The following CEMIP variants were observed in gnomAD, a reference collection of about 807,000 sequenced individuals.
CEMIP encodes cell migration-inducing and hyaluronan-binding protein.
CEMIP carries 105 observed loss-of-function variants against 156.9 expected under a neutral mutation model. The ratio of observed to expected loss-of-function variants is 0.67; its 90% CI spans 0.57 to 0.79. The LOEUF (loss-of-function observed/expected upper bound fraction) is 0.79, where lower values mean the gene tolerates loss of function less well. CEMIP is among the 30% of genes least tolerant of loss of function. The probability of loss-of-function intolerance (pLI) is 0.00; values close to 1 mark genes in which losing one functional copy is unlikely to be tolerated. For missense variants in CEMIP, 1,457 were observed against 1,769.4 expected (o/e 0.82, Z 3.17); for synonymous variants, 676 against 668.4 (o/e 1.01, Z -0.17).
At chr15:80,924,797 C>A in intron 18 of CEMIP, 91 bp downstream of exon 18, 1 of 1,131,404 alleles carries the variant, frequency 8.8e-7, no homozygotes, top group Non-Finnish European at 1.3e-6. Flanking sequence ...ATTCCCTGAG[C>A]ATCTGTTGAG....
intron 3 of CEMIP, among the ~76,000 whole-genome samples, chr15:80,875,825 C>T (rs79497431): frequency 0.016 from 2,465 of 152,224 alleles, 74 homozygotes; most frequent in African/African-American, 0.057. Context: ...GCCACTGACA[C>T]TGGCCTTCAC....
At chr15:80,797,008 G>C (rs1896246585) in intron 1 of CEMIP, among the ~76,000 whole-genome samples, 1 of 152,164 alleles carries the variant, frequency 6.6e-6, no homozygotes, top group South Asian at 2.1e-4. Context: ...AGTGGCTCAG[G>C]GTGGCTGGGG....
chr15:80,881,052 AT>A lies in CEMIP; in HGVS notation c.540del (p.Phe180LeufsTer44), dbSNP rs753314096. 1.2e-6 allele frequency: 2 copies of A among 1,614,130 alleles called. No homozygotes were observed. Among genetic ancestry groups the A allele is most frequent in the Non-Finnish European group, 1.7e-6 (2 of 1,180,008 alleles). The part of the protein sequence containing the change: ...LHPGGMAEGG[Y>X]FFERSWGHRG... ...CCAGGTGGCATGGCAGAAGGAGGCTATTTTTTTGAAAGGAGCTGGGGCCACC... is the reference window on the plus strand; with the variant it reads ...CCAGGTGGCATGGCAGAAGGAGGCTATTTTTTGAAAGGAGCTGGGGCCACC... On this transcript the variant is annotated frameshift_variant, in exon 6 of 30. Coordinates refer to ENST00000394685, the MANE Select transcript of CEMIP (RefSeq NM_001293298.2). LOFTEE classifies it high-confidence loss of function.
At position 80,932,148 on chromosome 15, in the gene CEMIP, G is replaced by A. The variant is rs368683261; in HGVS notation, c.2793+109G>A. 6 of 1,273,384 alleles carry A rather than the reference G, an allele frequency of 4.7e-6. No individual in the cohort carries two copies. Among genetic ancestry groups the A allele is most frequent in the Admixed American group, 1.8e-5 (1 of 56,986 alleles). 78.9% of individuals were successfully genotyped at this position (1,273,384 alleles called of 1,614,324 possible). A position where few individuals can be genotyped will look rare whatever the true frequency, so the allele number is the denominator to read the frequency against. ...CTATTGCCACCACCGCAGGGGTTGA[G>A]AAGCCTCCTCCAACTAGGCTGGGCC... On this transcript the variant is annotated intron_variant, in intron 22 of 29. Coordinates refer to ENST00000394685, the MANE Select transcript of CEMIP (RefSeq NM_001293298.2). This position sits in a 1 kb window ranked among gnomAD's most constrained non-coding sequence, Gnocchi z 4.5.
rs199832741 is a variant in CEMIP, at chr15:80,889,576, G to A, written c.1070G>A (p.Arg357His). 63 of 1,614,106 alleles carry A rather than the reference G, an allele frequency of 3.9e-5. No homozygotes were observed. The highest frequency in any genetic ancestry group is 1.6e-4 in the Middle Eastern group (1 of 6,062). ...GCTCACCCAGGAAAAATATGCAATC[G>A]TCCCATTGATATACAGGTACCAAAC... is the stretch of plus-strand genomic sequence containing the variant. ...WKAHPGKICNRPIDIQATTMD... is the reference protein window; with the variant it reads ...WKAHPGKICNHPIDIQATTMD... The change falls in exon 10 of 30, where the codon CGT becomes CAT. Residue 357 changes from arginine (R) to histidine (H), a missense_variant. Coordinates refer to ENST00000394685, the MANE Select transcript of CEMIP (RefSeq NM_001293298.2).
rs1247168294 is a variant in CEMIP, at chr15:80,932,556, G to T, written c.2793+517G>T. On this transcript the variant is annotated intron_variant, in intron 22 of 29. Coordinates refer to ENST00000394685, the MANE Select transcript of CEMIP (RefSeq NM_001293298.2). This position sits in a 1 kb window ranked among gnomAD's most constrained non-coding sequence, Gnocchi z 4.5. ...ATCAGGAGCAAGGGCTGCCCTGTGA[G>T]ACCAGCCGGGGCCAGTCCTCCTGTG... Among the ~76,000 whole-genome samples the T allele has an allele frequency of 6.6e-6, 1 of 152,148 alleles. No individual in the cohort carries two copies. The highest frequency in any genetic ancestry group is 1.9e-4 in the East Asian group (1 of 5,188).
intron 1 of CEMIP, among the ~76,000 whole-genome samples, chr15:80,843,481 G>A (rs1054720371): frequency 6.6e-6 from 1 of 152,174 alleles, no homozygotes; most frequent in African/African-American, 2.4e-5. Flanking sequence ...TGGCTGGAGG[G>A]GCAGGGGGGC....
chr15:80,924,645 G>C lies in CEMIP; in HGVS notation c.2227G>C (p.Val743Leu). The C allele has an allele frequency of 6.2e-7, 1 of 1,614,168 alleles. No individual in the cohort carries two copies. Among genetic ancestry groups the C allele is most frequent in the Non-Finnish European group, 8.5e-7 (1 of 1,180,026 alleles). ...GGCTGGCATGATCATAGACAACGGA[G>C]TCAAAACCACCGAGGCCTCTGCCAA... ...YRAGMIIDNG[V>L]KTTEASAKDK... Residue 743 changes from valine (V) to leucine (L), a missense_variant, in exon 18 of 30, where the codon GTC (valine) becomes CTC (leucine). Around this residue, in one of 5 missense-constraint regions of CEMIP, gnomAD observed 798 missense variants for 980.1 expected, o/e 0.81. Transcript: ENST00000394685.
chr15:80,927,220 G>A (rs781112919), intron 19 of CEMIP, among the ~76,000 whole-genome samples: 2 of 152,224 alleles, frequency 1.3e-5, no homozygotes, highest in Non-Finnish European at 2.9e-5. Context: ...GTTTCTGAAG[G>A]GCATTTAGGG....
At chr15:80,794,275 A>AT (rs944451979) in intron 1 of CEMIP, among the ~76,000 whole-genome samples, 2 of 152,142 alleles carry the variant, frequency 1.3e-5, no homozygotes, top group African/African-American at 2.4e-5. Flanking sequence ...TCATATGACT[A>AT]TTTTTTTAAC....
rs755326311 is a variant in CEMIP, at chr15:80,873,526, TCTTAA to T, written c.-175-6_-175-2del. The T allele has an allele frequency of 2.9e-5, 10 of 339,440 alleles. No homozygotes were observed. The highest frequency in any genetic ancestry group is 4.6e-5 in the Non-Finnish European group (8 of 175,008). 21.0% of individuals were successfully genotyped at this position (339,440 alleles called of 1,614,324 possible). ...GGGAGTATTTTTGTTCTGCTCTGTTTCTTAACTTAAGAGAAAAGCTTCATTCTGGA... is the reference window on the plus strand; with the variant it reads ...GGGAGTATTTTTGTTCTGCTCTGTTTCTTAAGAGAAAAGCTTCATTCTGGA... On this transcript the variant is annotated splice_polypyrimidine_tract_variant and splice_region_variant and intron_variant, in intron 1 of 29. Coordinates refer to ENST00000394685, the MANE Select transcript of CEMIP (RefSeq NM_001293298.2).
intron 1 of CEMIP, among the ~76,000 whole-genome samples, chr15:80,781,065 G>C (rs1000415898): frequency 6.6e-6 from 1 of 152,196 alleles, no homozygotes; most frequent in Admixed American, 6.5e-5. Context: ...ACCCCTCAGA[G>C]CTGTTAGGAA....
At chr15:80,928,815 A>G in intron 19 of CEMIP, 87 bp from the exon 20 acceptor site, 2 of 1,542,804 alleles carry the variant, frequency 1.3e-6, no homozygotes, top group Non-Finnish European at 8.9e-7. Flanking sequence ...GTTTGACTCC[A>G]AGGGCAGGGA....
chr15:80,832,545 T>C (rs1460176386), intron 1 of CEMIP, among the ~76,000 whole-genome samples: 1 of 152,120 alleles, frequency 6.6e-6, no homozygotes, highest in African/African-American at 2.4e-5. Flanking sequence ...GAATGAGTTT[T>C]GGGGGTCTCA....
chr15:80,948,271 T>G, intron 29 of CEMIP: 1 of 198,334 alleles, frequency 5.0e-6, no homozygotes, highest in South Asian at 1.0e-4. Context: ...GCTGTGTGGG[T>G]TTCAGGGGTT....
intron 1 of CEMIP, among the ~76,000 whole-genome samples, chr15:80,788,055 G>T (rs1190841858): frequency 2.6e-5 from 4 of 152,128 alleles, no homozygotes; most frequent in Non-Finnish European, 1.5e-5. Flanking sequence ...TGAATCCTGG[G>T]TCTCCAGTGC....
At chr15:80,900,895 C>T in intron 12 of CEMIP, 3 of 455,194 alleles carry the variant, frequency 6.6e-6, no homozygotes, top group South Asian at 4.7e-5. Flanking sequence ...ACACGATCTC[C>T]CTGGGTCCTT....
chr15:80,840,848 G>C (rs1028637973), intron 1 of CEMIP, among the ~76,000 whole-genome samples: 1 of 152,222 alleles, frequency 6.6e-6, no homozygotes, highest in Non-Finnish European at 1.5e-5. Context: ...AGTGGACTGA[G>C]CCTTGTGGTC....
At chr15:80,814,856 T>G (rs1896755562) in intron 1 of CEMIP, among the ~76,000 whole-genome samples, 1 of 152,232 alleles carries the variant, frequency 6.6e-6, no homozygotes, top group Non-Finnish European at 1.5e-5. Flanking sequence ...GCTTTCTTTT[T>G]CTCTCCTTTT....
Sources: gnomAD v4.1 joint callset for allele counts (sites outside exome capture counted in the v4.1 genomes callset) on GRCh38, gnomAD v4.1.1 for gene constraint, gnomAD v4.1.1 regional missense constraint, Gnocchi (gnomAD v3.1) non-coding constraint, MANE v1.5 for transcripts, NCBI Gene and HGNC (gene_info 2026-07-23, HGNC 2026-07-21) for gene names.